The following TTC39B variants were observed in gnomAD, a reference collection of about 807,000 sequenced individuals.
The protein encoded by TTC39B is tetratricopeptide repeat domain 39B, also known as tetratricopeptide repeat protein 39B.
TTC39B carries 92 observed loss-of-function variants against 96.6 expected under a neutral mutation model. The observed-to-expected ratio is 0.95, with a 90% CI of 0.80 to 1.13. TTC39B has a LOEUF of 1.13. TTC39B is among the 50% of genes most tolerant of loss of function. TTC39B has a pLI of 0.00. For missense variants in TTC39B, 955 were observed against 809.3 expected, an observed-to-expected ratio of 1.18 and a Z score of -2.18; for synonymous variants, 367 against 299.4, an observed-to-expected ratio of 1.23 and a Z score of -2.33.
chr9:15,301,769 GAAGAAGAA>G (rs1563800423), intron 1 of TTC39B, among the ~76,000 whole-genome samples: 1 of 147,298 alleles, frequency 6.8e-6, no homozygotes, highest in African/African-American at 2.6e-5. Context: ...AAAAAAAAAA[GAAGAAGAA>G]AAGAAAGAAA....
chr9:15,285,213 G>A (rs956664190), intron 1 of TTC39B, among the ~76,000 whole-genome samples: 4 of 151,078 alleles, frequency 2.6e-5, no homozygotes, highest in African/African-American at 9.7e-5. Flanking sequence ...AGTTTGCAGT[G>A]AGCCGAGATC....
At chr9:15,222,144 A>T (rs1346387996) in intron 3 of TTC39B, among the ~76,000 whole-genome samples, 1 of 152,200 alleles carries the variant, frequency 6.6e-6, no homozygotes, top group Non-Finnish European at 1.5e-5. Context: ...ACTAAGAGGG[A>T]TCGTTCCAAG....
intron 1 of TTC39B, among the ~76,000 whole-genome samples, chr9:15,291,129 C>G (rs1824175215): frequency 6.6e-6 from 1 of 152,204 alleles, no homozygotes; most frequent in Non-Finnish European, 1.5e-5. Context: ...GGGCCACCCT[C>G]TCTTGTGGAA....
At chr9:15,293,277 A>G (rs1007797784) in intron 1 of TTC39B, among the ~76,000 whole-genome samples, 3 of 152,172 alleles carry the variant, frequency 2.0e-5, no homozygotes, top group Non-Finnish European at 4.4e-5. Context: ...GTGTAAGTGC[A>G]CTATGATGCT....
intron 5 of TTC39B, 110 bp from the exon 6 acceptor site, chr9:15,210,274 GCTGAAA>G: frequency 1.4e-6 from 1 of 700,082 alleles, no homozygotes; most frequent in Non-Finnish European, 2.4e-6. Context: ...GAGTCAAAAA[GCTGAAA>G]CTCTAAACCC....
At chr9:15,189,523 G>T (rs761444704) in intron 13 of TTC39B, 51 bp downstream of exon 13, 1 of 1,565,824 alleles carries the variant, frequency 6.4e-7, no homozygotes, top group South Asian at 1.1e-5. Context: ...GACTCATGTA[G>T]GAGTCGCCAT....
At chr9:15,295,523 C>G (rs1587028262) in intron 1 of TTC39B, among the ~76,000 whole-genome samples, 1 of 152,200 alleles carries the variant, frequency 6.6e-6, no homozygotes, top group African/African-American at 2.4e-5. Context: ...CTGTAGAATT[C>G]TCTTTTCAAT....
At chr9:15,242,168 C>T (rs1018320120) in intron 2 of TTC39B, among the ~76,000 whole-genome samples, 2 of 152,156 alleles carry the variant, frequency 1.3e-5, no homozygotes, top group African/African-American at 4.8e-5. Context: ...TACCACTGTG[C>T]TGGTTGATTA....
intron 2 of TTC39B, among the ~76,000 whole-genome samples, chr9:15,258,746 C>T (rs1822843456): frequency 6.6e-6 from 1 of 152,136 alleles, no homozygotes; most frequent in South Asian, 2.1e-4. Flanking sequence ...TCACTTTGCA[C>T]CAGCAACACC....
intron 1 of TTC39B, among the ~76,000 whole-genome samples, chr9:15,298,444 G>A (rs1177993573): frequency 1.3e-5 from 2 of 152,164 alleles, no homozygotes; most frequent in Non-Finnish European, 2.9e-5. Flanking sequence ...TTTCCACACG[G>A]CTGGGAAAGC....
chr9:15,201,594 G>T (rs1287795625), intron 7 of TTC39B, among the ~76,000 whole-genome samples: 1 of 152,140 alleles, frequency 6.6e-6, no homozygotes, highest in Non-Finnish European at 1.5e-5. Flanking sequence ...AGACAGGGTG[G>T]CATTAAGGAT....
intron 2 of TTC39B, among the ~76,000 whole-genome samples, chr9:15,266,395 A>G (rs1417702768): frequency 5.9e-5 from 9 of 152,204 alleles, no homozygotes; most frequent in African/African-American, 1.9e-4. Flanking sequence ...GTCCATAAGT[A>G]TGTTAAGAGA....
At chr9:15,216,173 C>G (rs1035788443) in intron 3 of TTC39B, among the ~76,000 whole-genome samples, 5 of 152,200 alleles carry the variant, frequency 3.3e-5, no homozygotes, top group Non-Finnish European at 5.9e-5. Flanking sequence ...CCAAAAGTAT[C>G]TTGTGCATGT....
chr9:15,296,874 C>G (rs895553391), intron 1 of TTC39B, among the ~76,000 whole-genome samples: 1 of 152,130 alleles, frequency 6.6e-6, no homozygotes, highest in Non-Finnish European at 1.5e-5. Context: ...GAGGCCAAGG[C>G]TGGGGGATCA....
intron 3 of TTC39B, among the ~76,000 whole-genome samples, chr9:15,218,632 T>TAAAAAAAAAAAAATATATA (rs545882970): frequency 9.5e-6 from 1 of 105,110 alleles, no homozygotes; most frequent in African/African-American, 3.6e-5. Context: ...TTAGTCTATT[T>TAAAAAAAAAAAAATATATA]TAAATATATA....
At chr9:15,194,943 C>T (rs1819068856) in intron 8 of TTC39B, among the ~76,000 whole-genome samples, 1 of 152,196 alleles carries the variant, frequency 6.6e-6, no homozygotes, top group Non-Finnish European at 1.5e-5. Context: ...GGTAACTCTA[C>T]AGTGGCCTCT....
rs1824748091 is a variant in TTC39B, at chr9:15,306,232, A to G, written c.240+852T>C. 2.0e-5 allele frequency among the ~76,000 whole-genome samples: 3 copies of G among 152,226 alleles called. No individual in the cohort carries two copies. The highest frequency in any genetic ancestry group is 1.3e-4 in the Admixed American group (2 of 15,284). On this transcript the variant is annotated intron_variant, in intron 1 of 19. Coordinates refer to ENST00000512701, the Ensembl canonical transcript of TTC39B. This position sits in a 1 kb window ranked among gnomAD's most constrained non-coding sequence, Gnocchi z 5.1. ...GGCTGCTGCTGGAGCCTCGGTCTCA[A>G]CTTCAAGAGCAGGGAGAGCGCTGTC...
chr9:15,166,995 TATATATATATATATATATATA>T lies in TTC39B; in HGVS notation c.*5003_*5023del, dbSNP rs1817532704. On this transcript the variant is annotated 3_prime_UTR_variant, in exon 20 of 20. Transcript: ENST00000512701. ...CAAACCTTTATTTTATATATATATA[TATATATATATATATATATATA>T]TATATATATATATTTTTTTTTTTTT... is the stretch of plus-strand genomic sequence containing the variant. The T allele has an allele frequency of 3.8e-4, 2 of 5,320 alleles. 1 individual carries two copies. The highest frequency in any genetic ancestry group is 1.5e-3 in the African/African-American group (2 of 1,330). The allele number at this position is 5,320 out of a possible 1,614,324, so 0.3% of individuals were successfully genotyped here.
Position 15,218,635 on chromosome 9 carries a change from A to AAAATATATATATATATATATAT in TTC39B, c.372-4387_372-4386insATATATATATATATATATATTT, listed in dbSNP as rs374054306. ...AGGATGAATTTTTTAGTCTATTTTA[A>AAAATATATATATATATATATAT]ATATATATATATAATGAACACATAA... On this transcript the variant is annotated intron_variant, in intron 3 of 19. Coordinates refer to ENST00000512701, the Ensembl canonical transcript of TTC39B. Among the ~76,000 whole-genome samples, 846 of 149,468 alleles carry AAAATATATATATATATATATAT rather than the reference A, an allele frequency of 5.7e-3. 1 individual carries two copies. The highest frequency in any genetic ancestry group is 0.016 in the African/African-American group (660 of 40,622).
Sources: allele counts gnomAD v4.1 joint callset (sites outside exome capture counted in the v4.1 genomes callset), GRCh38; gene constraint gnomAD v4.1.1; non-coding constraint Gnocchi (gnomAD v3.1); transcripts MANE v1.5; gene names NCBI Gene and HGNC (gene_info 2026-07-23, HGNC 2026-07-21).